The following CTTNBP2NL variants were observed in gnomAD, a reference collection of about 807,000 sequenced individuals.
CTTNBP2NL encodes CTTNBP2 N-terminal like.
In CTTNBP2NL, 16 loss-of-function variants were observed where a neutral mutation model predicts 32.5. The observed-to-expected ratio is 0.49, with a 90% CI of 0.33 to 0.75. CTTNBP2NL has a LOEUF of 0.75. Ranked by LOEUF, CTTNBP2NL falls within the 30% of genes least tolerant of loss-of-function variation. The probability of loss-of-function intolerance (pLI) is 0.02; values close to 1 mark genes in which losing one functional copy is unlikely to be tolerated. For missense variants in CTTNBP2NL, 645 were observed against 756.0 expected (o/e 0.85, Z 1.72); for synonymous variants, 298 against 289.4 (o/e 1.03, Z -0.30).
At chr1:112,424,033 T>C (rs1412576104) in intron 3 of CTTNBP2NL, among the ~76,000 whole-genome samples, 2 of 152,194 alleles carry the variant, frequency 1.3e-5, no homozygotes, top group Admixed American at 1.3e-4. Context: ...TATCAATTTT[T>C]CTTTTATGGA....
chr1:112,452,335 CTTTTTTTTTTTTTT>C (rs1157736195), intron 4 of CTTNBP2NL, among the ~76,000 whole-genome samples: 2 of 65,688 alleles, frequency 3.0e-5, no homozygotes, highest in Admixed American at 2.0e-4. Context: ...CCAGTCTCTT[CTTTTTTTTTTTTTT>C]TTTTTTTTTT....
chr1:112,419,619 G>A (rs1288850515), intron 3 of CTTNBP2NL, among the ~76,000 whole-genome samples: 31 of 151,930 alleles, frequency 2.0e-4, no homozygotes, highest in Admixed American at 1.9e-3. Flanking sequence ...CTTTGGTCAC[G>A]GCCTTGTACT....
intron 3 of CTTNBP2NL, among the ~76,000 whole-genome samples, chr1:112,429,869 A>G (rs1403917387): frequency 1.3e-5 from 2 of 152,240 alleles, no homozygotes; most frequent in South Asian, 2.1e-4. Context: ...TGGTGAAGCC[A>G]GAAATACATC....
intron 1 of CTTNBP2NL, among the ~76,000 whole-genome samples, chr1:112,402,482 T>C (rs992650233): frequency 6.6e-6 from 1 of 152,162 alleles, no homozygotes. Flanking sequence ...TAAATTGTTT[T>C]AACACGAGAT....
intron 1 of CTTNBP2NL, among the ~76,000 whole-genome samples, chr1:112,398,111 A>C (rs1557881812): frequency 6.6e-6 from 1 of 152,220 alleles, no homozygotes; most frequent in Non-Finnish European, 1.5e-5. Flanking sequence ...AGAAAATCCC[A>C]AAAAGATAAG....
chr1:112,432,750 A>AT (rs1649604821), intron 3 of CTTNBP2NL, among the ~76,000 whole-genome samples: 1 of 145,678 alleles, frequency 6.9e-6, no homozygotes, highest in South Asian at 2.1e-4. Flanking sequence ...TCCATTCTAT[A>AT]TTTAAAAAAA....
chr1:112,425,005 A>G (rs1453583954), intron 3 of CTTNBP2NL, among the ~76,000 whole-genome samples: 2 of 145,604 alleles, frequency 1.4e-5, no homozygotes, highest in African/African-American at 5.1e-5. Flanking sequence ...TTTTTTTGGT[A>G]GAGAGATAGG....
intron 4 of CTTNBP2NL, among the ~76,000 whole-genome samples, chr1:112,452,768 A>C (rs1570746479): frequency 6.7e-6 from 1 of 149,420 alleles, no homozygotes; most frequent in Non-Finnish European, 1.5e-5. Flanking sequence ...CAGCCTCCTG[A>C]GTAGCTGGGA....
chr1:112,420,804 C>A (rs1358506962), intron 3 of CTTNBP2NL, among the ~76,000 whole-genome samples: 1 of 152,086 alleles, frequency 6.6e-6, no homozygotes, highest in Non-Finnish European at 1.5e-5. Context: ...TACATGGATT[C>A]CTGATTTTTC....
chr1:112,425,611 C>A (rs1649370113), intron 3 of CTTNBP2NL, among the ~76,000 whole-genome samples: 1 of 151,862 alleles, frequency 6.6e-6, no homozygotes, highest in South Asian at 2.1e-4. Context: ...TGCCTATAAT[C>A]CCAGTATTTT....
chr1:112,398,241 G>C (rs958233845), intron 1 of CTTNBP2NL, among the ~76,000 whole-genome samples: 29 of 152,188 alleles, frequency 1.9e-4, no homozygotes, highest in African/African-American at 6.8e-4. Context: ...ATTTAGCACA[G>C]TAAGCAAGAT....
At chr1:112,447,863 T>G (rs979821535) in intron 3 of CTTNBP2NL, among the ~76,000 whole-genome samples, 7 of 152,244 alleles carry the variant, frequency 4.6e-5, no homozygotes, top group African/African-American at 1.7e-4. Context: ...ATATAGTACT[T>G]TGCTGTGACT....
intron 3 of CTTNBP2NL, among the ~76,000 whole-genome samples, chr1:112,416,637 C>T (rs753562245): frequency 8.6e-5 from 13 of 151,950 alleles, no homozygotes; most frequent in East Asian, 5.8e-4. Context: ...GGACTACAGG[C>T]GCACACCACC....
rs190940476 is a variant in CTTNBP2NL at position 112,411,843 on chromosome 1, C to T, written c.-133-351C>T. On this transcript the variant is annotated intron_variant, in intron 1 of 5. Transcript: ENST00000271277. ...GACCACAGGCACCCGCCACCACGCC[C>T]GGCTAAATCTAAGTGCGTTGTGCTT... Among the ~76,000 whole-genome samples the T allele has an allele frequency of 3.0e-4, 46 of 152,226 alleles. 2 individuals are homozygous for T. In the East Asian group the frequency reaches 7.7e-3, roughly 26 times the overall value.
rs927828112 is a variant in CTTNBP2NL at position 112,456,825 on chromosome 1, C to A, written c.1333C>A (p.Pro445Thr). 1 of 1,614,070 alleles carries A rather than the reference C, an allele frequency of 6.2e-7. No homozygotes were observed. The highest frequency in any genetic ancestry group is 2.2e-5 in the East Asian group (1 of 44,864). Residue 445 changes from proline (P) to threonine (T), a missense_variant, in exon 6 of 6, where the codon CCT becomes ACT. Coordinates refer to ENST00000271277, the MANE Select transcript of CTTNBP2NL (RefSeq NM_018704.3). ...KRLLGSSASSPGYQSSYQVGI... is the reference protein window; with the variant it reads ...KRLLGSSASSTGYQSSYQVGI... ...TTTATTGGGGTCATCAGCTAGCAGC[C>A]CTGGCTACCAGTCATCGTACCAAGT...
intron 2 of CTTNBP2NL, 42 bp from the exon 3 acceptor site, chr1:112,416,115 A>T: frequency 9.9e-7 from 1 of 1,007,640 alleles, no homozygotes; most frequent in South Asian, 1.4e-5. Flanking sequence ...TATCAAATTA[A>T]CTATGTCTTT....
At chr1:112,405,669 G>A (rs1199336770) in intron 1 of CTTNBP2NL, among the ~76,000 whole-genome samples, 2 of 152,064 alleles carry the variant, frequency 1.3e-5, no homozygotes, top group Non-Finnish European at 2.9e-5. Flanking sequence ...TTTGTTTATG[G>A]GCATAAGGCT....
At chr1:112,447,438 C>T (rs1047066908) in intron 3 of CTTNBP2NL, among the ~76,000 whole-genome samples, 1 of 151,896 alleles carries the variant, frequency 6.6e-6, no homozygotes, top group Non-Finnish European at 1.5e-5. Context: ...TTCCAGTATA[C>T]AAATAACATC....
chr1:112,456,143 G>A lies in CTTNBP2NL; in HGVS notation c.651G>A (p.Leu217=), dbSNP rs150383409. 8.1e-6 allele frequency: 13 copies of A among 1,614,020 alleles called. No individual in the cohort carries two copies. The highest frequency in any genetic ancestry group is 1.3e-5 in the African/African-American group (1 of 74,910). The stretch of plus-strand genomic sequence containing the variant: ...AGGAGAAGAGCCGGGTGAGTAAACT[G>A]GAAGAAGAGTTGGCAGCTGAGAGAA... ...LEKEKSRVSK[L]EEELAAERKR... The change falls in exon 6 of 6, where the codon CTG becomes CTA. Residue 217 remains leucine, a synonymous_variant. Transcript: ENST00000271277.
Sources: allele counts gnomAD v4.1 joint callset (sites outside exome capture counted in the v4.1 genomes callset), GRCh38; gene constraint gnomAD v4.1.1; transcripts MANE v1.5; gene names NCBI Gene and HGNC (gene_info 2026-07-23, HGNC 2026-07-21).